Variants in PTPRA observed in about 807,000 individuals in gnomAD.
PTPRA encodes the protein receptor-type tyrosine-protein phosphatase alpha.
Under a neutral mutation model 104.8 loss-of-function variants are expected in PTPRA, and 25 were observed. The observed-to-expected ratio is 0.24, with a 90% CI of 0.17 to 0.33. PTPRA has a LOEUF of 0.33. PTPRA is among the 10% of genes least tolerant of loss of function. PTPRA has a pLI of 1.00. For synonymous variants in PTPRA, 323 were observed against 368.9 expected (o/e 0.88, Z 1.43); for missense variants, 765 against 1,015.3 (o/e 0.75, Z 3.35).
chr20:2,991,836 A>G (rs2063190283), intron 9 of PTPRA, among the ~76,000 whole-genome samples: 1 of 152,228 alleles, frequency 6.6e-6, no homozygotes, highest in Non-Finnish European at 1.5e-5. Context: ...CACATGGAAC[A>G]TAAATATTTT....
chr20:2,994,315 G>C (rs2063313170), intron 9 of PTPRA, among the ~76,000 whole-genome samples: 1 of 152,148 alleles, frequency 6.6e-6, no homozygotes, highest in Admixed American at 6.6e-5. Context: ...GGATGAGGGG[G>C]CCCCCTCTCT....
chr20:2,923,754 G>A (rs1274470917), intron 2 of PTPRA, among the ~76,000 whole-genome samples: 3 of 151,900 alleles, frequency 2.0e-5, no homozygotes, highest in Non-Finnish European at 2.9e-5. Context: ...AGCTGAGATC[G>A]CACACTGCAT....
chr20:2,930,658 C>T (rs1233479228), intron 2 of PTPRA, among the ~76,000 whole-genome samples: 6 of 152,152 alleles, frequency 3.9e-5, no homozygotes, highest in African/African-American at 1.4e-4. Context: ...AATCCTCTTT[C>T]TTCAATTGGC....
intron 5 of PTPRA, among the ~76,000 whole-genome samples, 198 bp downstream of exon 5, chr20:2,965,400 C>T (rs2061907710): frequency 6.6e-6 from 1 of 152,110 alleles, no homozygotes; most frequent in Admixed American, 6.5e-5. Flanking sequence ...TATCTTTCTG[C>T]TAGGTGGGAT....
intron 1 of PTPRA, among the ~76,000 whole-genome samples, chr20:2,916,972 T>A (rs6138949): frequency 0.015 from 2,253 of 150,130 alleles, 120 homozygotes; most frequent in Admixed American, 0.088. Context: ...TTTTTTTTTT[T>A]TTTGAGACAG....
At chr20:3,027,303 A>G in intron 19 of PTPRA, 106 bp downstream of exon 19, 1 of 1,193,290 alleles carries the variant, frequency 8.4e-7, no homozygotes, top group South Asian at 1.3e-5. Flanking sequence ...TGTTTGAATC[A>G]GTCAACAAAT....
chr20:2,975,934 T>C (rs2062414421), intron 6 of PTPRA, among the ~76,000 whole-genome samples: 1 of 152,248 alleles, frequency 6.6e-6, no homozygotes, highest in African/African-American at 2.4e-5. Flanking sequence ...ATCATAATTT[T>C]CTATTTTATC....
intron 20 of PTPRA, among the ~76,000 whole-genome samples, chr20:3,030,704 G>A (rs1163070688): frequency 3.2e-4 from 1 of 3,124 alleles, no homozygotes; most frequent in Admixed American, 3.3e-3. Flanking sequence ...TTTTTTTTTT[G>A]AGATGGAGTC....
chr20:2,941,785 G>T (rs2060933589), intron 2 of PTPRA, among the ~76,000 whole-genome samples: 1 of 152,178 alleles, frequency 6.6e-6, no homozygotes, highest in Non-Finnish European at 1.5e-5. Flanking sequence ...CTGGCATGGA[G>T]TTCCCTGCCC....
In PTPRA at chr20:2,950,560, G is replaced by A. The variant is rs1010726668; in HGVS notation, c.-7+2536G>A. ...CAGAAGGCTGAGGCAGGAGAATGGC[G>A]TGAACCCAGGAGGCGGAGGTTGCAG... On this transcript the variant is annotated intron_variant, in intron 3 of 23. Coordinates refer to ENST00000399903, the MANE Select transcript of PTPRA (RefSeq NM_001385305.1). This position sits in a 1 kb window ranked among gnomAD's most constrained non-coding sequence, Gnocchi z 4.0. 5.3e-5 allele frequency among the ~76,000 whole-genome samples: 8 copies of A among 151,566 alleles called. No individual in the cohort carries two copies. The highest frequency in any genetic ancestry group is 1.9e-4 in the African/African-American group (8 of 41,252).
intron 3 of PTPRA, among the ~76,000 whole-genome samples, chr20:2,961,528 C>G (rs1296663485): frequency 6.6e-6 from 1 of 152,152 alleles, no homozygotes; most frequent in Non-Finnish European, 1.5e-5. Flanking sequence ...TTTGTCAGAT[C>G]TATCTTTTGC....
chr20:2,927,421 A>G (rs916733642), intron 2 of PTPRA, among the ~76,000 whole-genome samples: 12 of 151,894 alleles, frequency 7.9e-5, no homozygotes, highest in African/African-American at 2.9e-4. Flanking sequence ...TTCTCATAAA[A>G]TTTTCTCCCT....
chr20:2,892,088 G>A (rs571542721), intron 1 of PTPRA, among the ~76,000 whole-genome samples: 4 of 152,014 alleles, frequency 2.6e-5, no homozygotes, highest in South Asian at 4.2e-4. Context: ...TTAGGAGCTC[G>A]AGACCAGCCT....
At chr20:2,894,358 C>G (rs1443382078) in intron 1 of PTPRA, among the ~76,000 whole-genome samples, 1 of 152,152 alleles carries the variant, frequency 6.6e-6, no homozygotes, top group South Asian at 2.1e-4. Flanking sequence ...TCAGGGGTTC[C>G]AAACCCAAAT....
chr20:2,910,480 CTT>C lies in PTPRA; in HGVS notation c.-128-12707_-128-12706del, dbSNP rs34928941. Among the ~76,000 whole-genome samples, 132 of 16,758 alleles carry C rather than the reference CTT, an allele frequency of 7.9e-3. 3 individuals are homozygous for C. The highest frequency in any genetic ancestry group is 0.056 in the Middle Eastern group (1 of 18). 11.0% of individuals were successfully genotyped at this position (16,758 alleles called of 152,430 possible). A position where few individuals can be genotyped will look rare whatever the true frequency, so the allele number is the denominator to read the frequency against. ...ATATTATATATAATTTTTATATATA[CTT>C]TTTTTTTTTTTTTTTTTTTAGACTG... On this transcript the variant is annotated intron_variant, in intron 1 of 23. Coordinates refer to ENST00000399903, the MANE Select transcript of PTPRA (RefSeq NM_001385305.1).
chr20:2,942,998 C>T (rs372743588), intron 2 of PTPRA, among the ~76,000 whole-genome samples: 3 of 151,606 alleles, frequency 2.0e-5, no homozygotes, highest in Admixed American at 1.3e-4. Flanking sequence ...CAGCATGTTC[C>T]TTTTTCTCTT....
intron 5 of PTPRA, among the ~76,000 whole-genome samples, chr20:2,965,551 G>C (rs2061914413): frequency 6.6e-6 from 1 of 152,140 alleles, no homozygotes; most frequent in East Asian, 1.9e-4. Flanking sequence ...GATTAGGTTT[G>C]GAAAGGGAGG....
chr20:2,884,255 A>T (rs1219405013), intron 1 of PTPRA, among the ~76,000 whole-genome samples: 1 of 152,152 alleles, frequency 6.6e-6, no homozygotes. Flanking sequence ...GGGTATATAT[A>T]TATACCTAGG....
intron 3 of PTPRA, among the ~76,000 whole-genome samples, chr20:2,952,190 A>G (rs2061377991): frequency 6.6e-6 from 1 of 152,026 alleles, no homozygotes; most frequent in Non-Finnish European, 1.5e-5. Flanking sequence ...TGCAACAACA[A>G]TGTCTGAGGG....
Sources: gnomAD v4.1 joint callset for allele counts (sites outside exome capture counted in the v4.1 genomes callset) on GRCh38, gnomAD v4.1.1 for gene constraint, Gnocchi (gnomAD v3.1) non-coding constraint, MANE v1.5 for transcripts, NCBI Gene and HGNC (gene_info 2026-07-23, HGNC 2026-07-21) for gene names.